The following ANKRD55 variants were observed in gnomAD, a reference collection of about 807,000 sequenced individuals.
ANKRD55 encodes ankyrin repeat domain-containing protein 55.
In ANKRD55, 41 loss-of-function variants were observed where a neutral mutation model predicts 60.6. The ratio of observed to expected loss-of-function variants is 0.68; its 90% CI spans 0.53 to 0.88. The LOEUF is 0.88. Ranked by LOEUF, ANKRD55 falls within the 40% of genes least tolerant of loss-of-function variation. The probability of loss-of-function intolerance (pLI) is 0.00; values close to 1 mark genes in which losing one functional copy is unlikely to be tolerated. For synonymous variants in ANKRD55, 264 were observed against 290.3 expected, an observed-to-expected ratio of 0.91 and a Z score of 0.92; for missense variants, 732 against 767.6, an observed-to-expected ratio of 0.95 and a Z score of 0.55.
intron 6 of ANKRD55, among the ~76,000 whole-genome samples, chr5:56,153,934 G>A (rs899771726): frequency 7.4e-4 from 112 of 151,706 alleles, no homozygotes; most frequent in African/African-American, 2.6e-3. Context: ...AAGTTAGGCC[G>A]GGTGTGGTGG....
intron 8 of ANKRD55, among the ~76,000 whole-genome samples, chr5:56,122,963 G>A (rs1757119149): frequency 6.6e-6 from 1 of 151,696 alleles, no homozygotes; most frequent in African/African-American, 2.4e-5. Flanking sequence ...ATGGGGTTTC[G>A]CCATGTTGCC....
intron 6 of ANKRD55, among the ~76,000 whole-genome samples, chr5:56,153,168 T>G (rs1008933275): frequency 1.3e-5 from 2 of 152,130 alleles, no homozygotes; most frequent in African/African-American, 4.8e-5. Flanking sequence ...AAGACCATTA[T>G]GTCTATGAAA....
intron 6 of ANKRD55, among the ~76,000 whole-genome samples, chr5:56,156,373 C>T (rs1389394660): frequency 2.0e-5 from 3 of 152,134 alleles, no homozygotes; most frequent in Admixed American, 6.5e-5. Context: ...CAATATTTAC[C>T]ACATATTCTA....
chr5:56,205,994 A>G, intron 2 of ANKRD55, among the ~76,000 whole-genome samples: 1 of 128,790 alleles, frequency 7.8e-6, no homozygotes, highest in African/African-American at 3.4e-5. Flanking sequence ...TTTTTCCTGG[A>G]GACAGAGTCT....
rs56703145 is a variant in ANKRD55 at position 56,199,080 on chromosome 5, A to AAAACAAACAAACAAACAAAC, written c.59-15466_59-15447dup. Among the ~76,000 whole-genome samples the AAAACAAACAAACAAACAAAC allele has an allele frequency of 2.0e-3, 299 of 150,328 alleles. 6 individuals carry two copies. In the East Asian group the frequency reaches 0.027, roughly 14 times the overall value. The stretch of plus-strand genomic sequence containing the variant: ...GGACGACAGAGTGAGACTCTGTCTC[A>AAAACAAACAAACAAACAAAC]AAACAAACAAACAAACAAACAAACC... On this transcript the variant is annotated intron_variant, in intron 2 of 11. Transcript: ENST00000341048.
At chr5:56,233,189 A>C in intron 1 of ANKRD55, 52 bp downstream of exon 1, 1 of 401,974 alleles carries the variant, frequency 2.5e-6, no homozygotes, top group Non-Finnish European at 4.5e-6. Flanking sequence ...CAAATCAATA[A>C]ACACAATTAC....
chr5:56,154,587 T>TG (rs1181227118), intron 6 of ANKRD55, among the ~76,000 whole-genome samples: 1 of 149,976 alleles, frequency 6.7e-6, no homozygotes, highest in Non-Finnish European at 1.5e-5. Flanking sequence ...TTTTAAAGTT[T>TG]TTTTTTTTTT....
intron 9 of ANKRD55, among the ~76,000 whole-genome samples, chr5:56,112,504 C>CAAAA (rs1187255213): frequency 0.029 from 745 of 25,660 alleles, 55 homozygotes; most frequent in African/African-American, 0.13. Flanking sequence ...TCATCTCTAG[C>CAAAA]AAAAAAAAAA....
chr5:56,221,389 A>T (rs892317980), intron 2 of ANKRD55, among the ~76,000 whole-genome samples: 3 of 152,218 alleles, frequency 2.0e-5, no homozygotes, highest in Non-Finnish European at 2.9e-5. Context: ...CCAAATAGGA[A>T]CAGCTCCAGT....
intron 6 of ANKRD55, among the ~76,000 whole-genome samples, chr5:56,152,789 A>G (rs1758088664): frequency 1.3e-5 from 2 of 152,220 alleles, no homozygotes; most frequent in Admixed American, 6.5e-5. Flanking sequence ...TTGGAACAGA[A>G]CAAAGAGTTC....
intron 2 of ANKRD55, among the ~76,000 whole-genome samples, chr5:56,206,911 G>A (rs986613761): frequency 2.4e-4 from 36 of 152,166 alleles, no homozygotes; most frequent in African/African-American, 8.4e-4. Context: ...GTGTCTGCCG[G>A]GGTGGCAGGG....
At chr5:56,138,535 G>A (rs1307498422) in intron 7 of ANKRD55, among the ~76,000 whole-genome samples, 1 of 152,150 alleles carries the variant, frequency 6.6e-6, no homozygotes, top group Non-Finnish European at 1.5e-5. Flanking sequence ...ACAAAAAGCT[G>A]CACACAGATG....
intron 2 of ANKRD55, among the ~76,000 whole-genome samples, chr5:56,223,085 G>T (rs1760011428): frequency 1.3e-5 from 2 of 152,316 alleles, no homozygotes; most frequent in African/African-American, 4.8e-5. Flanking sequence ...AGGAAAAAAT[G>T]TTAAGGGCAG....
chr5:56,121,828 G>A (rs940766809), intron 8 of ANKRD55, among the ~76,000 whole-genome samples: 2 of 152,116 alleles, frequency 1.3e-5, no homozygotes, highest in East Asian at 1.9e-4. Context: ...TTGTACCAAA[G>A]ACAAAATAAT....
intron 2 of ANKRD55, among the ~76,000 whole-genome samples, chr5:56,216,481 G>A (rs1273101705): frequency 6.6e-6 from 1 of 152,194 alleles, no homozygotes; most frequent in Non-Finnish European, 1.5e-5. Flanking sequence ...GCTCAATGAG[G>A]AAGGCATGTT....
chr5:56,106,795 C>T (rs968952142), intron 10 of ANKRD55, among the ~76,000 whole-genome samples: 6 of 151,858 alleles, frequency 4.0e-5, no homozygotes, highest in Admixed American at 1.3e-4. Context: ...TGCTTGAGGC[C>T]AGGGGTTCTA....
chr5:56,122,527 C>T (rs1049904292), intron 8 of ANKRD55, among the ~76,000 whole-genome samples: 133 of 151,416 alleles, frequency 8.8e-4, no homozygotes, highest in African/African-American at 2.9e-3. Flanking sequence ...GGCATGGTGG[C>T]GCACACCTGT....
rs1554040809 is a variant in ANKRD55, at chr5:56,166,154, CTTCT to C, written c.422+4536_422+4539del. Among the ~76,000 whole-genome samples, 96 of 71,494 alleles carry C rather than the reference CTTCT, an allele frequency of 1.3e-3. 2 individuals are homozygous for C. The highest frequency in any genetic ancestry group is 4.9e-3 in the African/African-American group (67 of 13,604). The allele number at this position is 71,494 out of a possible 152,430, so 46.9% of individuals were successfully genotyped here. On this transcript the variant is annotated intron_variant, in intron 5 of 11. Transcript: ENST00000341048. ...TCTTTCTTTCTTTCTTTCTTTCTTT[CTTCT>C]TTCCTTCCTTCCTTCCTTCCTTCCT...
chr5:56,110,017 C>T (rs1321766243), intron 10 of ANKRD55, among the ~76,000 whole-genome samples: 1 of 151,444 alleles, frequency 6.6e-6, no homozygotes, highest in East Asian at 1.9e-4. Flanking sequence ...CACCACTGCA[C>T]TCTAGCCTGG....
Sources: gnomAD v4.1 joint callset for allele counts (sites outside exome capture counted in the v4.1 genomes callset) on GRCh38, gnomAD v4.1.1 for gene constraint, MANE v1.5 for transcripts, NCBI Gene and HGNC (gene_info 2026-07-23, HGNC 2026-07-21) for gene names.